The following PDCD11 variants were observed in gnomAD, a reference collection of about 807,000 sequenced individuals.
PDCD11 encodes protein RRP5 homolog.
PDCD11 carries 97 observed loss-of-function variants against 198.9 expected under a neutral mutation model. That is an observed-to-expected ratio of 0.49 (90% CI 0.41 to 0.58). The LOEUF is 0.58. PDCD11 is among the 20% of genes least tolerant of loss of function. The pLI, the probability that PDCD11 is intolerant of heterozygous loss-of-function variation, is 0.00. For missense variants in PDCD11, 2,102 were observed against 2,312.7 expected (o/e 0.91, Z 1.87); for synonymous variants, 893 against 918.0 (o/e 0.97, Z 0.49).
intron 4 of PDCD11, 51 bp from the exon 5 acceptor site, chr10:103,404,971 T>C (rs776893463): frequency 1.9e-5 from 30 of 1,565,638 alleles, no homozygotes; most frequent in Middle Eastern, 1.7e-4. Context: ...TAATGGATTT[T>C]TGGTTCAGGA....
intron 22 of PDCD11, among the ~76,000 whole-genome samples, chr10:103,433,652 T>C (rs963632101): frequency 6.6e-6 from 1 of 151,990 alleles, no homozygotes; most frequent in Non-Finnish European, 1.5e-5. Flanking sequence ...GCTACAGAGG[T>C]CTGTGGGATT....
chr10:103,405,265 A>G, intron 5 of PDCD11, 82 bp downstream of exon 5: 1 of 1,375,780 alleles, frequency 7.3e-7, no homozygotes, highest in Non-Finnish European at 1.0e-6. Context: ...GCCACCTTTT[A>G]CTTTCAGCTC....
At chr10:103,423,452 G>T in intron 18 of PDCD11, 91 bp from the exon 19 acceptor site, 2 of 962,452 alleles carry the variant, frequency 2.1e-6, no homozygotes, top group South Asian at 1.4e-5. Flanking sequence ...TTGCTTTTTT[G>T]GATCTAAGGG....
At position 103,445,637 on chromosome 10, in the gene PDCD11, A is replaced by C; in HGVS notation, c.*88A>C. 1 of 1,085,730 alleles carries C rather than the reference A, an allele frequency of 9.2e-7. No homozygotes were observed. The allele number at this position is 1,085,730 out of a possible 1,614,324, so 67.3% of individuals were successfully genotyped here. ...TGGGCACTCGGAAAACTGTTACCTC[A>C]GGACTCTATTTAAATGCTGCTTTTT... On this transcript the variant is annotated 3_prime_UTR_variant, in exon 36 of 36. Transcript: ENST00000369797.
chr10:103,433,970 T>C lies in PDCD11; in HGVS notation c.3497T>C (p.Leu1166Pro). ...CAGTACAATGTGGTGAAGAAATGGC[T>C]TGAGGTGGAGATTGCCCCAGACATC... ...LKKYNVVKKW[L>P]EVEIAPDIRG... The change falls in exon 23 of 36, where the codon CTT (leucine) becomes CCT (proline). Residue 1166 changes from leucine (L) to proline (P), a missense_variant. By Grantham distance (98) the Leu-to-Pro change is moderately conservative (BLOSUM62 -3). Transcript: ENST00000369797. The C allele has an allele frequency of 6.2e-7, 1 of 1,613,730 alleles. No homozygotes were observed. The highest frequency in any genetic ancestry group is 8.5e-7 in the Non-Finnish European group (1 of 1,179,622).
At position 103,421,381 on chromosome 10, in the gene PDCD11, G is replaced by C; in HGVS notation, c.2311G>C (p.Asp771His). Residue 771 changes from aspartate to histidine, a missense_variant, in exon 17 of 36, where the codon GAC becomes CAC. Coordinates refer to ENST00000369797, the MANE Select transcript of PDCD11 (RefSeq NM_014976.2). Reference protein sequence around the residue: ...MSDKFVTSTSDHFVEGQTVAA... With the variant: ...MSDKFVTSTSHHFVEGQTVAA... ...TGACAAATTTGTGACCTCCACAAGT[G>C]ACCACTTTGTTGAGGGCCAGACAGT... 6.2e-7 allele frequency: 1 copy of C among 1,609,960 alleles called. No individual in the cohort carries two copies. The highest frequency in any genetic ancestry group is 8.5e-7 in the Non-Finnish European group (1 of 1,178,076).
chr10:103,423,184 G>A (rs773959509), intron 18 of PDCD11, 47 bp downstream of exon 18: 1 of 1,482,900 alleles, frequency 6.7e-7, no homozygotes, highest in East Asian at 2.4e-5. Flanking sequence ...AGGACCCTTT[G>A]TCCATTGCTC....
At chr10:103,412,889 A>G (rs1399382630) in intron 8 of PDCD11, among the ~76,000 whole-genome samples, 2 of 152,226 alleles carry the variant, frequency 1.3e-5, no homozygotes, top group Non-Finnish European at 2.9e-5. Context: ...TGAGCCACCC[A>G]TACCTGGCTT....
Position 103,409,787 on chromosome 10 carries a change from C to A in PDCD11, c.959C>A (p.Thr320Lys), listed in dbSNP as rs145088287. 2 of 1,612,676 alleles carry A rather than the reference C, an allele frequency of 1.2e-6. No homozygotes were observed. Among genetic ancestry groups the A allele is most frequent in the Non-Finnish European group, 1.7e-6 (2 of 1,178,782 alleles). Residue 320 changes from threonine to lysine, a missense_variant, in exon 8 of 36, where the codon ACA becomes AAA. By Grantham distance (78) the Thr-to-Lys change is moderately conservative (BLOSUM62 -1). Coordinates refer to ENST00000369797, the MANE Select transcript of PDCD11 (RefSeq NM_014976.2). ...FMHLDPKKAG[T>K]YFSNQAVRAC... is the part of the protein sequence containing the mutation. The stretch of plus-strand genomic sequence containing the variant: ...CACCTGGATCCCAAGAAAGCTGGAA[C>A]ATATTTCTCAAATCAGGCAGTAAGA...
intron 14 of PDCD11, 139 bp from the exon 15 acceptor site, chr10:103,418,301 G>T: frequency 1.5e-6 from 1 of 680,962 alleles, no homozygotes. Flanking sequence ...GGTTGGGGTG[G>T]TGGGTGGGGT....
At position 103,417,894 on chromosome 10, in the gene PDCD11, C is replaced by G; in HGVS notation, c.1873C>G (p.His625Asp). 6.2e-7 allele frequency: 1 copy of G among 1,614,146 alleles called. No homozygotes were observed. Among genetic ancestry groups the G allele is most frequent in the Non-Finnish European group, 8.5e-7 (1 of 1,180,026 alleles). Reference protein sequence around the residue: ...DPEPKKEPAGHSQKKGKAINI... With the variant: ...DPEPKKEPAGDSQKKGKAINI... ...AGAGCCAAAGAAAGAGCCTGCAGGA[C>G]ACAGTCAGAAGAAAGGAAAAGCCAT... Residue 625 changes from histidine to aspartate, a missense_variant, in exon 14 of 36, where the codon CAC becomes GAC. His to Asp is a moderately conservative substitution (Grantham distance 81). Transcript: ENST00000369797.
At position 103,413,999 on chromosome 10, in the gene PDCD11, A is replaced by C. The variant is rs1222798215; in HGVS notation, c.1219A>C (p.Asn407His). The C allele has an allele frequency of 3.7e-6, 6 of 1,613,268 alleles. No homozygotes were observed. Among genetic ancestry groups the C allele is most frequent in the Non-Finnish European group, 5.1e-6 (6 of 1,179,780 alleles). The change falls in exon 10 of 36, where the codon AAT becomes CAT. Residue 407 changes from asparagine (N) to histidine (H), a missense_variant. By Grantham distance (68) the Asn-to-His change is moderately conservative. Transcript: ENST00000369797. ...SHLSDSKNVFNPEAFKPGNTH... is the reference protein window; with the variant it reads ...SHLSDSKNVFHPEAFKPGNTH... ...TCTCTCTGATTCTAAGAACGTCTTCAATCCTGAGGCCTTCAAGCCAGGGAA... is the reference window on the plus strand; with the variant it reads ...TCTCTCTGATTCTAAGAACGTCTTCCATCCTGAGGCCTTCAAGCCAGGGAA...
chr10:103,416,793 A>C, intron 13 of PDCD11, 51 bp downstream of exon 13: 1 of 1,588,960 alleles, frequency 6.3e-7, no homozygotes, highest in Non-Finnish European at 8.6e-7. Flanking sequence ...CCCCACAAAC[A>C]CAAATATGAA....
rs773718731 is a variant in PDCD11, at chr10:103,445,447, C to T, written c.5514C>T (p.Tyr1838=). 3.0e-5 allele frequency: 49 copies of T among 1,614,022 alleles called. 1 individual carries two copies. In the South Asian group the frequency reaches 5.1e-4, roughly 17 times the overall value. Residue 1838 remains tyrosine, a synonymous_variant, in exon 36 of 36, where the codon TAC becomes TAT. Coordinates refer to ENST00000369797, the MANE Select transcript of PDCD11 (RefSeq NM_014976.2). ...GAATGAAGTTCTTCTTCAAGCGCTA[C>T]CTGGACTACGAGAAGCAGCATGGCA... ...PKRMKFFFKR[Y]LDYEKQHGTE...
At chr10:103,420,896 G>T (rs371300699) in intron 16 of PDCD11, among the ~76,000 whole-genome samples, 87 of 149,906 alleles carry the variant, frequency 5.8e-4, no homozygotes, top group African/African-American at 2.1e-3. Flanking sequence ...TTTTTTTTGA[G>T]ATGGAGTCTC....
rs112710693 is a variant in PDCD11 at position 103,415,827 on chromosome 10, T to C, written c.1519-664T>C. Among the ~76,000 whole-genome samples, 585 of 152,324 alleles carry C rather than the reference T, an allele frequency of 3.8e-3. 1 individual carries two copies. Among genetic ancestry groups the C allele is most frequent in the African/African-American group, 0.013 (558 of 41,568 alleles). On this transcript the variant is annotated intron_variant, in intron 12 of 35. Transcript: ENST00000369797. The stretch of plus-strand genomic sequence containing the variant: ...AAGCTGCCAAAACATGGGTGATTTA[T>C]GACAAAGGCTCGAATCCGAAGGAAA...
rs1210337553 is a variant in PDCD11, at chr10:103,441,889, G to A, written c.4621G>A (p.Val1541Met). The A allele has an allele frequency of 4.3e-6, 7 of 1,614,102 alleles. No individual in the cohort carries two copies. The highest frequency in any genetic ancestry group is 2.2e-5 in the East Asian group (1 of 44,898). ...LQLSSGFAWNVGLDSLTPALP... is the reference protein window; with the variant it reads ...LQLSSGFAWNMGLDSLTPALP... ...GCTGTCTTCAGGCTTCGCTTGGAATGTGGGACTAGACTCTCTGACCCCGGC... is the reference window on the plus strand; with the variant it reads ...GCTGTCTTCAGGCTTCGCTTGGAATATGGGACTAGACTCTCTGACCCCGGC... The change falls in exon 31 of 36, where the codon GTG becomes ATG. Residue 1541 changes from valine (V) to methionine (M), a missense_variant. Coordinates refer to ENST00000369797, the MANE Select transcript of PDCD11 (RefSeq NM_014976.2).
intron 21 of PDCD11, 27 bp from the exon 22 acceptor site, chr10:103,432,102 C>CTGTT: frequency 6.5e-7 from 1 of 1,541,990 alleles, no homozygotes; most frequent in Non-Finnish European, 9.0e-7. Flanking sequence ...GATGGGTTTA[C>CTGTT]TGTTTACATT....
chr10:103,427,068 C>T (rs2031728018), intron 20 of PDCD11, among the ~76,000 whole-genome samples: 1 of 152,016 alleles, frequency 6.6e-6, no homozygotes, highest in Admixed American at 6.6e-5. Flanking sequence ...ATGATTGCGC[C>T]ACTGCATTCC....
Sources: allele counts gnomAD v4.1 joint callset (sites outside exome capture counted in the v4.1 genomes callset), GRCh38; gene constraint gnomAD v4.1.1; transcripts MANE v1.5; gene names NCBI Gene and HGNC (gene_info 2026-07-23, HGNC 2026-07-21).